The following AGBL1 variants were observed in gnomAD, a reference collection of about 807,000 sequenced individuals.
The protein encoded by AGBL1 is cytosolic carboxypeptidase 4.
A neutral mutation model predicts 118.9 loss-of-function variants in AGBL1; 130 were observed. The ratio of observed to expected loss-of-function variants is 1.09; its 90% CI spans 0.95 to 1.26. The LOEUF (loss-of-function observed/expected upper bound fraction) is 1.26. Ranked by LOEUF, AGBL1 falls within the 50% of genes most tolerant of loss-of-function variation. AGBL1 has a pLI of 0.00. For missense variants in AGBL1, 1,584 were observed against 1,298.1 expected (o/e 1.22, Z -3.38); for synonymous variants, 555 against 478.9 (o/e 1.16, Z -2.08).
At chr15:86,646,895 A>C (rs1596334590) in intron 21 of AGBL1, among the ~76,000 whole-genome samples, 1 of 152,350 alleles carries the variant, frequency 6.6e-6, no homozygotes, top group African/African-American at 2.4e-5. Flanking sequence ...TATTTTAAAA[A>C]TCAACACTTA....
chr15:86,317,811 A>C (rs973694611), intron 17 of AGBL1, among the ~76,000 whole-genome samples: 1 of 152,264 alleles, frequency 6.6e-6, no homozygotes, highest in African/African-American at 2.4e-5. Flanking sequence ...GTTGTGTTCC[A>C]ATAAAGATTT....
At chr15:86,299,387 G>C (rs2079710606) in intron 17 of AGBL1, among the ~76,000 whole-genome samples, 1 of 152,150 alleles carries the variant, frequency 6.6e-6, no homozygotes, top group South Asian at 2.1e-4. Flanking sequence ...GGGACTCTGA[G>C]TGATGAATAG....
intron 22 of AGBL1, among the ~76,000 whole-genome samples, chr15:86,759,413 C>A (rs909382739): frequency 1.3e-5 from 2 of 152,044 alleles, no homozygotes; most frequent in Admixed American, 1.3e-4. Flanking sequence ...ACGGAAACTT[C>A]CTCATAAAGT....
At chr15:86,155,731 T>G (rs947497137) in intron 4 of AGBL1, among the ~76,000 whole-genome samples, 1 of 152,118 alleles carries the variant, frequency 6.6e-6, no homozygotes, top group Non-Finnish European at 1.5e-5. Context: ...TGAGTTTGAC[T>G]GTGGTTCTTT....
At chr15:86,959,831 C>G (rs16978124) in intron 23 of AGBL1, among the ~76,000 whole-genome samples, 2 of 151,946 alleles carry the variant, frequency 1.3e-5, no homozygotes, top group African/African-American at 2.4e-5. Context: ...GAGTTTCTCT[C>G]CACTTCTCTA....
At chr15:86,303,662 T>C (rs12902302) in intron 17 of AGBL1, among the ~76,000 whole-genome samples, 8,343 of 152,224 alleles carry the variant, frequency 0.055, 274 homozygotes, top group South Asian at 0.076. Context: ...AATTTTATAC[T>C]ACCTAATTTT....
intron 18 of AGBL1, among the ~76,000 whole-genome samples, chr15:86,438,950 T>G (rs986727900): frequency 6.6e-6 from 1 of 152,134 alleles, no homozygotes; most frequent in Non-Finnish European, 1.5e-5. Flanking sequence ...CATGAGCCAC[T>G]GTGCATGGTC....
chr15:86,603,827 A>G (rs1008632197), intron 21 of AGBL1, among the ~76,000 whole-genome samples: 13 of 152,134 alleles, frequency 8.5e-5, no homozygotes, highest in Non-Finnish European at 1.6e-4. Flanking sequence ...TCTGTTTGCC[A>G]TTTGTTTTTG....
chr15:86,392,676 A>T (rs950984314), intron 17 of AGBL1, among the ~76,000 whole-genome samples: 1 of 152,164 alleles, frequency 6.6e-6, no homozygotes, highest in Non-Finnish European at 1.5e-5. Flanking sequence ...TAAAGGCCTG[A>T]TATCTCTTAG....
chr15:86,462,190 T>C (rs1178851471), intron 18 of AGBL1, among the ~76,000 whole-genome samples: 1 of 152,186 alleles, frequency 6.6e-6, no homozygotes, highest in Non-Finnish European at 1.5e-5. Flanking sequence ...GCGTATGACC[T>C]TTCTGAGCCT....
intron 3 of AGBL1, among the ~76,000 whole-genome samples, chr15:86,151,159 G>C (rs1272228876): frequency 6.6e-6 from 1 of 152,006 alleles, no homozygotes; most frequent in Non-Finnish European, 1.5e-5. Context: ...GTTGTGGGGT[G>C]GGGTGGGGGA....
intron 23 of AGBL1, among the ~76,000 whole-genome samples, chr15:86,934,244 C>T (rs577568309): frequency 6.6e-6 from 1 of 152,250 alleles, no homozygotes; most frequent in South Asian, 2.1e-4. Flanking sequence ...TGCTGTTAAC[C>T]CAATGTTCCC....
intron 1 of AGBL1, among the ~76,000 whole-genome samples, chr15:86,127,273 G>C (rs2076759508): frequency 1.3e-5 from 2 of 152,172 alleles, no homozygotes; most frequent in South Asian, 4.1e-4. Flanking sequence ...GTTATTGTTT[G>C]AGTTTTCTTT....
At chr15:86,893,065 G>A (rs1013478522) in intron 22 of AGBL1, among the ~76,000 whole-genome samples, 16 of 152,132 alleles carry the variant, frequency 1.1e-4, no homozygotes, top group South Asian at 8.3e-4. Flanking sequence ...ATACTGCCTC[G>A]GGGACTCACT....
At chr15:86,462,816 T>G (rs1379301540) in intron 18 of AGBL1, among the ~76,000 whole-genome samples, 1 of 152,120 alleles carries the variant, frequency 6.6e-6, no homozygotes, top group Non-Finnish European at 1.5e-5. Flanking sequence ...CACCACATTT[T>G]CACATTTTCT....
chr15:86,471,866 T>C (rs1201057179), intron 18 of AGBL1, among the ~76,000 whole-genome samples: 2 of 152,208 alleles, frequency 1.3e-5, no homozygotes, highest in Non-Finnish European at 2.9e-5. Context: ...AATATGATCT[T>C]GTTTTGAAAG....
intron 21 of AGBL1, among the ~76,000 whole-genome samples, chr15:86,638,948 T>C (rs991771591): frequency 6.6e-6 from 1 of 152,086 alleles, no homozygotes; most frequent in African/African-American, 2.4e-5. Flanking sequence ...CCGAGTTCTC[T>C]CCGTGCTGGT....
At chr15:86,328,447 A>C (rs926158154) in intron 17 of AGBL1, among the ~76,000 whole-genome samples, 1 of 152,226 alleles carries the variant, frequency 6.6e-6, no homozygotes, top group African/African-American at 2.4e-5. Flanking sequence ...TTTATAAAGA[A>C]AACGGTTTTT....
At chr15:86,921,716 C>T (rs1191667230) in intron 23 of AGBL1, among the ~76,000 whole-genome samples, 3 of 152,198 alleles carry the variant, frequency 2.0e-5, no homozygotes, top group African/African-American at 7.2e-5. Flanking sequence ...GCACAGCATG[C>T]ATGGATCAGA....
Sources: gnomAD v4.1 joint callset for allele counts (sites outside exome capture counted in the v4.1 genomes callset) on GRCh38, gnomAD v4.1.1 for gene constraint, MANE v1.5 for transcripts, NCBI Gene and HGNC (gene_info 2026-07-23, HGNC 2026-07-21) for gene names.